The following MARCHF4 variants were observed in gnomAD, a reference collection of about 807,000 sequenced individuals.
The protein encoded by MARCHF4 is E3 ubiquitin-protein ligase MARCHF4.
MARCHF4 carries 14 observed loss-of-function variants against 43.9 expected under a neutral mutation model. The observed-to-expected ratio is 0.32, with a 90% CI of 0.21 to 0.50. The LOEUF (loss-of-function observed/expected upper bound fraction) is 0.50, where lower values mean the gene tolerates loss of function less well. MARCHF4 is among the 20% of genes least tolerant of loss of function. MARCHF4 has a pLI of 0.98. For missense variants in MARCHF4, 468 were observed against 536.7 expected, an observed-to-expected ratio of 0.87 and a Z score of 1.27; for synonymous variants, 226 against 213.3, an observed-to-expected ratio of 1.06 and a Z score of -0.52.
intron 1 of MARCHF4, among the ~76,000 whole-genome samples, chr2:216,311,707 A>G (rs1402285839): frequency 6.6e-6 from 1 of 152,194 alleles, no homozygotes; most frequent in Non-Finnish European, 1.5e-5. Flanking sequence ...ATTTTAAATT[A>G]CCAGACCATG....
At chr2:216,368,942 G>C (rs1214067090) in intron 1 of MARCHF4, among the ~76,000 whole-genome samples, 1 of 152,110 alleles carries the variant, frequency 6.6e-6, no homozygotes, top group Non-Finnish European at 1.5e-5. Context: ...TGCCAGACTT[G>C]GAAAAGCCCT....
intron 1 of MARCHF4, among the ~76,000 whole-genome samples, chr2:216,296,397 G>A (rs548406923): frequency 7.9e-5 from 12 of 152,104 alleles, no homozygotes; most frequent in East Asian, 3.9e-4. Context: ...TGCACCTGCC[G>A]GCCTCCATGT....
intron 3 of MARCHF4, among the ~76,000 whole-genome samples, chr2:216,264,750 G>A (rs1690817540): frequency 6.6e-6 from 1 of 152,224 alleles, no homozygotes. Context: ...CCTGATTGAA[G>A]AGTGTGACTT....
intron 1 of MARCHF4, among the ~76,000 whole-genome samples, chr2:216,313,137 G>A (rs867620128): frequency 5.3e-5 from 8 of 152,148 alleles, no homozygotes; most frequent in African/African-American, 1.9e-4. Context: ...TGAATAGGGT[G>A]TCCTTTCCCC....
intron 1 of MARCHF4, among the ~76,000 whole-genome samples, chr2:216,324,146 C>G (rs1199272758): frequency 2.0e-5 from 3 of 146,714 alleles, no homozygotes; most frequent in African/African-American, 7.6e-5. Flanking sequence ...ACCACCGATC[C>G]CACAGAAATA....
At chr2:216,337,775 C>G (rs1357199326) in intron 1 of MARCHF4, among the ~76,000 whole-genome samples, 1 of 152,148 alleles carries the variant, frequency 6.6e-6, no homozygotes, top group Admixed American at 6.5e-5. Context: ...AATTCATACC[C>G]CACGAACTAC....
chr2:216,304,124 A>G (rs574348560), intron 1 of MARCHF4, among the ~76,000 whole-genome samples: 1 of 152,300 alleles, frequency 6.6e-6, no homozygotes, highest in East Asian at 1.9e-4. Context: ...TAGAGTAGAA[A>G]AAGGTAGATT....
chr2:216,283,107 C>T (rs1217256754), intron 2 of MARCHF4, among the ~76,000 whole-genome samples: 1 of 152,140 alleles, frequency 6.6e-6, no homozygotes. Flanking sequence ...CTTTACCAGC[C>T]CATAGCTTGA....
intron 1 of MARCHF4, among the ~76,000 whole-genome samples, chr2:216,363,640 C>T (rs1015762298): frequency 2.0e-5 from 3 of 152,124 alleles, no homozygotes; most frequent in East Asian, 3.9e-4. Context: ...GGTAACTGTG[C>T]TCCCCCTTTC....
intron 2 of MARCHF4, among the ~76,000 whole-genome samples, chr2:216,278,799 T>C (rs1333522654): frequency 6.6e-6 from 1 of 152,220 alleles, no homozygotes; most frequent in Non-Finnish European, 1.5e-5. Flanking sequence ...ATACCAGTAT[T>C]GACAGATGGG....
At chr2:216,342,394 C>A (rs1037651241) in intron 1 of MARCHF4, among the ~76,000 whole-genome samples, 4 of 152,196 alleles carry the variant, frequency 2.6e-5, no homozygotes, top group African/African-American at 9.7e-5. Flanking sequence ...GAACCCAAAT[C>A]TGCCTGTCTC....
At chr2:216,306,586 C>T (rs79982828) in intron 1 of MARCHF4, among the ~76,000 whole-genome samples, 10,296 of 152,100 alleles carry the variant, frequency 0.068, 1,151 homozygotes, top group African/African-American at 0.24. Context: ...ATATTGAATA[C>T]TTCTAAATAT....
chr2:216,275,621 T>C (rs1038212178), intron 3 of MARCHF4, among the ~76,000 whole-genome samples: 1 of 152,234 alleles, frequency 6.6e-6, no homozygotes, highest in Non-Finnish European at 1.5e-5. Context: ...GACTGGTCGA[T>C]GACATGGTGG....
intron 1 of MARCHF4, among the ~76,000 whole-genome samples, chr2:216,322,693 G>A (rs999345348): frequency 1.5e-4 from 23 of 152,272 alleles, no homozygotes; most frequent in African/African-American, 5.3e-4. Flanking sequence ...GCGGTGGTGG[G>A]TGCCTGTAGT....
At chr2:216,292,743 G>A (rs958103786) in intron 1 of MARCHF4, among the ~76,000 whole-genome samples, 1 of 152,144 alleles carries the variant, frequency 6.6e-6, no homozygotes, top group Non-Finnish European at 1.5e-5. Context: ...GGTTCGGCGG[G>A]GGAGGAGACA....
chr2:216,297,446 G>A (rs919357007), intron 1 of MARCHF4, among the ~76,000 whole-genome samples: 1 of 152,148 alleles, frequency 6.6e-6, no homozygotes, highest in Non-Finnish European at 1.5e-5. Flanking sequence ...GGATCAGGGG[G>A]ATATTTATGG....
At chr2:216,319,030 G>A (rs573064591) in intron 1 of MARCHF4, among the ~76,000 whole-genome samples, 8 of 152,166 alleles carry the variant, frequency 5.3e-5, no homozygotes, top group Middle Eastern at 3.4e-3. Context: ...TCTACCTGCC[G>A]GGTGCGGTGG....
chr2:216,348,068 G>A (rs942012760), intron 1 of MARCHF4, among the ~76,000 whole-genome samples: 49 of 127,028 alleles, frequency 3.9e-4, no homozygotes, highest in Non-Finnish European at 7.1e-4. Flanking sequence ...ACAGAGTTTC[G>A]CTTTTGTTGC....
chr2:216,318,871 C>G (rs527606128), intron 1 of MARCHF4, among the ~76,000 whole-genome samples: 2 of 152,114 alleles, frequency 1.3e-5, no homozygotes, highest in Admixed American at 1.3e-4. Context: ...TTTAAAGACA[C>G]AGATTTCAGA....
Sources: allele counts gnomAD v4.1 joint callset (sites outside exome capture counted in the v4.1 genomes callset), GRCh38; gene constraint gnomAD v4.1.1; transcripts MANE v1.5; gene names NCBI Gene and HGNC (gene_info 2026-07-23, HGNC 2026-07-21).